The following ZFYVE27 variants were observed in gnomAD, a reference collection of about 807,000 sequenced individuals.
ZFYVE27 encodes the protein zinc finger FYVE-type containing 27, also known as protrudin.
In ZFYVE27, 36 loss-of-function variants were observed where a neutral mutation model predicts 52.8. The observed-to-expected ratio is 0.68, with a 90% CI of 0.52 to 0.90. The LOEUF is 0.90. Among genes scored for constraint, ZFYVE27 ranks in the 40% least tolerant of loss-of-function variants. The pLI is 0.00. For missense variants in ZFYVE27, 450 were observed against 527.2 expected (o/e 0.85, Z 1.43); for synonymous variants, 223 against 215.6 (o/e 1.03, Z -0.30).
chr10:97,752,761 C>G, intron 8 of ZFYVE27, 96 bp from the exon 9 acceptor site: 5 of 1,376,530 alleles, frequency 3.6e-6, no homozygotes, highest in Non-Finnish European at 5.1e-6. Context: ...CGCTTCCATG[C>G]TTCCTTCTGC....
intron 5 of ZFYVE27, among the ~76,000 whole-genome samples, chr10:97,748,680 C>G (rs2046114505): frequency 6.6e-6 from 1 of 152,138 alleles, no homozygotes; most frequent in South Asian, 2.1e-4. Context: ...TGTATAGTTT[C>G]ATAGTGTATG....
At chr10:97,750,556 T>C in intron 7 of ZFYVE27, 86 bp downstream of exon 7, 1 of 1,571,436 alleles carries the variant, frequency 6.4e-7, no homozygotes, top group Non-Finnish European at 8.6e-7. Context: ...TGGGCTGGCC[T>C]CTGTTGTAGT....
intron 3 of ZFYVE27, 24 bp from the exon 4 acceptor site, chr10:97,744,705 C>G: frequency 6.2e-7 from 1 of 1,612,458 alleles, no homozygotes; most frequent in Non-Finnish European, 8.5e-7. Flanking sequence ...ACCTGTGTTA[C>G]CTGCAGTGTT....
intron 7 of ZFYVE27, 50 bp downstream of exon 7, chr10:97,750,520 CCTGTTAT>C: frequency 6.2e-7 from 1 of 1,610,266 alleles, no homozygotes; most frequent in Non-Finnish European, 8.5e-7. Context: ...TGTGGGCCCC[CCTGTTAT>C]CAGCTTGTTT....
chr10:97,737,666 T>C (rs1464143064), intron 1 of ZFYVE27, among the ~76,000 whole-genome samples: 1 of 152,236 alleles, frequency 6.6e-6, no homozygotes, highest in Non-Finnish European at 1.5e-5. Flanking sequence ...CTGGTTTATG[T>C]TGCTCTTCGC....
chr10:97,749,917 C>G (rs554788693), intron 6 of ZFYVE27: 3 of 415,674 alleles, frequency 7.2e-6, no homozygotes, highest in African/African-American at 6.1e-5. Flanking sequence ...TGGGGTGCAG[C>G]CACCTGGAGT....
At chr10:97,745,805 T>C (rs975654254) in intron 4 of ZFYVE27, among the ~76,000 whole-genome samples, 7 of 152,034 alleles carry the variant, frequency 4.6e-5, no homozygotes, top group African/African-American at 1.7e-4. Flanking sequence ...TTGAAAAATA[T>C]TCATCTAACA....
chr10:97,750,180 T>C, intron 6 of ZFYVE27, 151 bp from the exon 7 acceptor site: 1 of 927,268 alleles, frequency 1.1e-6, no homozygotes. Context: ...TTAAGAGGCT[T>C]AAGTTAGGTG....
intron 5 of ZFYVE27, 145 bp downstream of exon 5, chr10:97,748,509 A>G (rs1320576956): frequency 4.1e-6 from 3 of 738,314 alleles, no homozygotes; most frequent in African/African-American, 1.7e-5. Flanking sequence ...ATATCTGCAC[A>G]TATGCTTGCG....
At chr10:97,749,447 A>G (rs2046348761) in intron 5 of ZFYVE27, 27 bp from the exon 6 acceptor site, 5 of 1,582,178 alleles carry the variant, frequency 3.2e-6, no homozygotes, top group African/African-American at 1.4e-5. Flanking sequence ...CGAATTTCTG[A>G]TCTTGTGGTT....
chr10:97,758,226 G>A (rs2048883529), intron 12 of ZFYVE27: 1 of 152,756 alleles, frequency 6.5e-6, no homozygotes, highest in South Asian at 2.0e-4. Flanking sequence ...GGACCCTGCT[G>A]CTCATTAGCT....
chr10:97,745,282 C>T (rs1319936687), intron 4 of ZFYVE27, among the ~76,000 whole-genome samples: 8 of 152,100 alleles, frequency 5.3e-5, no homozygotes, highest in Admixed American at 4.6e-4. Context: ...TGGTTTCAAG[C>T]GATTCTCCTG....
chr10:97,741,060 T>G (rs1458275436), intron 2 of ZFYVE27, among the ~76,000 whole-genome samples: 2 of 152,240 alleles, frequency 1.3e-5, no homozygotes, highest in Non-Finnish European at 2.9e-5. Flanking sequence ...ATTAGGGTGG[T>G]ACAGGTGGAG....
intron 4 of ZFYVE27, among the ~76,000 whole-genome samples, chr10:97,745,171 G>GTTCTTTCT (rs374808138): frequency 2.0e-5 from 3 of 149,458 alleles, no homozygotes; most frequent in Non-Finnish European, 3.0e-5. Flanking sequence ...CACAGCTTCT[G>GTTCTTTCT]TTCTTTCTTT....
In ZFYVE27 at chr10:97,738,468, T is replaced by C. The variant is rs1437894918; in HGVS notation, c.-1-9T>C. On this transcript the variant is annotated splice_polypyrimidine_tract_variant and intron_variant, in intron 1 of 12. Transcript: ENST00000684270. ...GCAATGCAAATGTTGGGAATTATTA[T>C]GGTTACAGGATGCAGACATCAGAAC... 7 of 1,613,648 alleles carry C rather than the reference T, an allele frequency of 4.3e-6. No individual in the cohort carries two copies. Among genetic ancestry groups the C allele is most frequent in the Admixed American group, 1.7e-5 (1 of 60,008 alleles).
intron 2 of ZFYVE27, among the ~76,000 whole-genome samples, chr10:97,740,799 A>T (rs748911511): frequency 6.6e-6 from 1 of 152,100 alleles, no homozygotes; most frequent in Non-Finnish European, 1.5e-5. Context: ...TTGAAGAGGG[A>T]CCTAATCTTG....
rs539754844 is a variant in ZFYVE27, at chr10:97,746,209, C to A, written c.455+1294C>A. 6.6e-5 allele frequency among the ~76,000 whole-genome samples: 10 copies of A among 151,894 alleles called. No homozygotes were observed. In the South Asian group the frequency reaches 1.7e-3, roughly 25 times the overall value. ...GATTACAGGCATGTGCCACCATGTC[C>A]AGCTAATTTTTGTATTTTTAGTAGA... On this transcript the variant is annotated intron_variant, in intron 4 of 12. Transcript: ENST00000684270.
In ZFYVE27 at chr10:97,744,673, G is replaced by A. The variant is rs369267746; in HGVS notation, c.269-56G>A. ...GGAACAAGCAGTGGGCGTCTGGGTG[G>A]GCCGACTCCTGGTCTTTGCTTACCT... On this transcript the variant is annotated intron_variant, in intron 3 of 12. Transcript: ENST00000684270. 5.6e-6 allele frequency: 9 copies of A among 1,601,846 alleles called. No individual in the cohort carries two copies. The South Asian group carries it at 6.7e-5, about 12-fold the overall frequency.
At chr10:97,758,123 T>C (rs558434031) in intron 12 of ZFYVE27, 51 of 162,014 alleles carry the variant, frequency 3.1e-4, no homozygotes, top group Non-Finnish European at 4.7e-4. Context: ...TTATAAAATA[T>C]AAAATATTTC....
Sources: gnomAD v4.1 joint callset for allele counts (sites outside exome capture counted in the v4.1 genomes callset) on GRCh38, gnomAD v4.1.1 for gene constraint, MANE v1.5 for transcripts, NCBI Gene and HGNC (gene_info 2026-07-23, HGNC 2026-07-21) for gene names.